Variants in PLCE1 observed in about 807,000 individuals in gnomAD.
The protein encoded by PLCE1 is phospholipase C epsilon 1.
PLCE1 carries 119 observed loss-of-function variants against 242.8 expected under a neutral mutation model. That is an observed-to-expected ratio of 0.49 (90% CI 0.42 to 0.57). The LOEUF is 0.57. PLCE1 is among the 20% of genes least tolerant of loss of function. PLCE1 has a pLI of 0.00. For synonymous variants in PLCE1, 945 were observed against 1,017.4 expected (o/e 0.93, Z 1.35); for missense variants, 2,441 against 2,788.8 (o/e 0.88, Z 2.81).
At chr10:94,078,641 A>G (rs1159381593) in intron 2 of PLCE1, among the ~76,000 whole-genome samples, 2 of 152,142 alleles carry the variant, frequency 1.3e-5, no homozygotes, top group East Asian at 1.9e-4. Flanking sequence ...ACCCACCACC[A>G]TGCCCGGATA....
intron 4 of PLCE1, among the ~76,000 whole-genome samples, chr10:94,185,975 G>T (rs182332522): frequency 2.6e-5 from 4 of 152,152 alleles, no homozygotes; most frequent in African/African-American, 9.7e-5. Flanking sequence ...GACGGACTTC[G>T]CTCCATTTCA....
chr10:94,101,312 A>C (rs2045527778), intron 2 of PLCE1, among the ~76,000 whole-genome samples: 1 of 152,212 alleles, frequency 6.6e-6, no homozygotes, highest in South Asian at 2.1e-4. Context: ...GGCTCTCTGA[A>C]AATATTTTTA....
rs184878324 is a variant in PLCE1 at position 94,298,552 on chromosome 10, G to T, written c.5341G>T (p.Ala1781Ser). 3 of 1,613,998 alleles carry T rather than the reference G, an allele frequency of 1.9e-6. No individual in the cohort carries two copies. The highest frequency in any genetic ancestry group is 2.5e-6 in the Non-Finnish European group (3 of 1,179,988). The part of the protein sequence containing the change: ...RYSQKLTQHT[A>S]CQLLRTYPAA... Reference sequence around the variant, plus strand: ...TTCTCAGAAACTGACCCAGCACACCGCCTGTCAGCTGCTGAGAACTTACCC... The same window carrying T: ...TTCTCAGAAACTGACCCAGCACACCTCCTGTCAGCTGCTGAGAACTTACCC... The change falls in exon 24 of 33, where the codon GCC becomes TCC. Residue 1781 changes from alanine to serine, a missense_variant. By Grantham distance (99) the Ala-to-Ser change is moderately conservative. Transcript: ENST00000371380. The surrounding 1 kb of genome is among the most constrained non-coding windows in gnomAD (Gnocchi z 5.2).
chr10:94,030,866 T>C lies in PLCE1; in HGVS notation c.-181T>C. On this transcript the variant is annotated 5_prime_UTR_variant, in exon 2 of 33. Transcript: ENST00000371380. ...AAAATATATATTCATGATAGGAAGTTATAACTAAGAAAATTTATTTGCCTC... is the reference window on the plus strand; with the variant it reads ...AAAATATATATTCATGATAGGAAGTCATAACTAAGAAAATTTATTTGCCTC... The C allele has an allele frequency of 1.6e-6, 1 of 637,958 alleles. No homozygotes were observed. Among genetic ancestry groups the C allele is most frequent in the Non-Finnish European group, 2.7e-6 (1 of 363,724 alleles). 39.5% of individuals were successfully genotyped at this position (637,958 alleles called of 1,614,324 possible).
intron 29 of PLCE1, among the ~76,000 whole-genome samples, chr10:94,320,609 G>A (rs2133854257): frequency 1.3e-5 from 2 of 152,290 alleles, no homozygotes; most frequent in East Asian, 3.9e-4. Context: ...GAGAGATGAG[G>A]CTAGAATTCT....
At chr10:94,255,908 ACACACACTCTCTCTCTCTCT>A (rs1272096960) in intron 11 of PLCE1, among the ~76,000 whole-genome samples, 31 of 96,274 alleles carry the variant, frequency 3.2e-4, no homozygotes, top group African/African-American at 9.0e-4. Context: ...ACACACACAC[ACACACACTCTCTCTCTCTCT>A]CTCTCTCTCT....
At position 94,093,069 on chromosome 10, in the gene PLCE1, C is replaced by T. The variant is rs144790260; in HGVS notation, c.1207-39105C>T. Among the ~76,000 whole-genome samples, 165 of 152,160 alleles carry T rather than the reference C, an allele frequency of 1.1e-3. 3 individuals are homozygous for T. The East Asian group carries it at 0.024, about 22-fold the overall frequency. ...TGGATAAATCACAGGGACAGGTTGG[C>T]CTTCATCCAAGAGTTCTAAAGGAAT... On this transcript the variant is annotated intron_variant, in intron 2 of 32. Coordinates refer to ENST00000371380, the MANE Select transcript of PLCE1 (RefSeq NM_016341.4).
chr10:94,121,382 G>A (rs1296188521), intron 2 of PLCE1, among the ~76,000 whole-genome samples: 1 of 152,170 alleles, frequency 6.6e-6, no homozygotes, highest in Non-Finnish European at 1.5e-5. Context: ...CATAGGAGGG[G>A]CTCCATCACC....
chr10:94,324,963 A>T lies in PLCE1; in HGVS notation c.6792A>T (p.Lys2264Asn). ...TCAAGAAGCTCACCAAGTCAACTAA[A>T]CAGCCCCGAGGACTTACATCACCTT... ...SELKKLTKST[K>N]QPRGLTSPSQ... Residue 2264 changes from lysine (K) to asparagine (N), a missense_variant, in exon 32 of 33, where the codon AAA (lysine) becomes AAT (asparagine). Physicochemically the swap from Lys to Asn is moderately conservative, Grantham distance 94 (BLOSUM62 0). Transcript: ENST00000371380. The T allele has an allele frequency of 6.2e-7, 1 of 1,614,174 alleles. No individual in the cohort carries two copies. The highest frequency in any genetic ancestry group is 8.5e-7 in the Non-Finnish European group (1 of 1,180,008).
chr10:94,062,349 A>C (rs547539016), intron 2 of PLCE1, among the ~76,000 whole-genome samples: 163 of 152,134 alleles, frequency 1.1e-3, no homozygotes, highest in African/African-American at 3.9e-3. Flanking sequence ...GGCTATTCAC[A>C]GATGTGATCA....
chr10:94,169,603 T>G (rs1261905560), intron 3 of PLCE1, among the ~76,000 whole-genome samples: 1 of 152,032 alleles, frequency 6.6e-6, no homozygotes, highest in Non-Finnish European at 1.5e-5. Context: ...CGAATGACTG[T>G]GAGGAAAGCA....
chr10:94,329,477 A>G lies in PLCE1; in HGVS notation c.*1534A>G, dbSNP rs1346431529. The G allele has an allele frequency of 1.3e-5, 2 of 152,194 alleles. No homozygotes were observed. The highest frequency in any genetic ancestry group is 2.9e-5 in the Non-Finnish European group (2 of 68,032). 9.4% of individuals were successfully genotyped at this position (152,194 alleles called of 1,614,324 possible). ...TGTGTTTCTTGCATATTCTAAAAAC[A>G]GAAGTGTTAAAAATACACCACACAG... On this transcript the variant is annotated 3_prime_UTR_variant, in exon 33 of 33. Transcript: ENST00000371380.
chr10:94,246,716 A>G (rs946433282), intron 8 of PLCE1, 95 bp downstream of exon 8: 8 of 1,137,544 alleles, frequency 7.0e-6, no homozygotes, highest in Non-Finnish European at 1.0e-5. Context: ...CCCAGCTCTG[A>G]CAGTTACTAC....
At chr10:94,239,746 GA>G (rs1414111247) in intron 7 of PLCE1, among the ~76,000 whole-genome samples, 3 of 151,872 alleles carry the variant, frequency 2.0e-5, no homozygotes, top group African/African-American at 4.8e-5. Context: ...ATAGGGATAG[GA>G]AAAAAAGAAA....
At chr10:94,189,068 A>G (rs980559516) in intron 4 of PLCE1, among the ~76,000 whole-genome samples, 9 of 150,344 alleles carry the variant, frequency 6.0e-5, no homozygotes, top group African/African-American at 2.2e-4. Flanking sequence ...AGCTCTTTCC[A>G]CTTGTGTATT....
intron 2 of PLCE1, among the ~76,000 whole-genome samples, chr10:94,062,436 C>G (rs762974850): frequency 1.3e-5 from 2 of 152,060 alleles, no homozygotes; most frequent in Non-Finnish European, 2.9e-5. Flanking sequence ...TCCACTCTGC[C>G]CAGCTCAAAT....
chr10:94,219,882 G>C (rs898654310), intron 4 of PLCE1, among the ~76,000 whole-genome samples: 1 of 152,054 alleles, frequency 6.6e-6, no homozygotes, highest in South Asian at 2.1e-4. Flanking sequence ...ATGTAGTTTG[G>C]GGGTAAGGGG....
intron 5 of PLCE1, among the ~76,000 whole-genome samples, chr10:94,228,910 G>A (rs563582325): frequency 7.9e-4 from 121 of 152,266 alleles, no homozygotes; most frequent in African/African-American, 2.6e-3. Flanking sequence ...GGCCGGGCAC[G>A]GTGGCTCATG....
At chr10:94,063,983 C>A (rs531994784) in intron 2 of PLCE1, among the ~76,000 whole-genome samples, 6 of 152,216 alleles carry the variant, frequency 3.9e-5, no homozygotes, top group Non-Finnish European at 8.8e-5. Context: ...AAAGACCAGA[C>A]ACGCAGGAGC....
Sources: allele counts gnomAD v4.1 joint callset (sites outside exome capture counted in the v4.1 genomes callset), GRCh38; gene constraint gnomAD v4.1.1; non-coding constraint Gnocchi (gnomAD v3.1); transcripts MANE v1.5; gene names NCBI Gene and HGNC (gene_info 2026-07-23, HGNC 2026-07-21).